Variants in TOGARAM1 observed in about 807,000 individuals in gnomAD.
TOGARAM1 encodes the protein TOG array regulator of axonemal microtubules protein 1.
TOGARAM1 carries 100 observed loss-of-function variants against 166.6 expected under a neutral mutation model. The ratio of observed to expected loss-of-function variants is 0.60; its 90% CI spans 0.51 to 0.71. The LOEUF (loss-of-function observed/expected upper bound fraction) is 0.71. TOGARAM1 is among the 30% of genes least tolerant of loss of function. The pLI, the probability that TOGARAM1 is intolerant of heterozygous loss-of-function variation, is 0.00. For synonymous variants in TOGARAM1, 758 were observed against 763.8 expected (o/e 0.99, Z 0.13); for missense variants, 2,029 against 2,102.7 (o/e 0.96, Z 0.69).
intron 7 of TOGARAM1, among the ~76,000 whole-genome samples, chr14:45,015,023 A>T (rs924984857): frequency 1.2e-4 from 18 of 152,054 alleles, no homozygotes; most frequent in African/African-American, 4.3e-4. Context: ...AGTCTATTTC[A>T]CTGGGCACAG....
chr14:45,060,843 G>T (rs1378212163), intron 16 of TOGARAM1, among the ~76,000 whole-genome samples: 3 of 152,138 alleles, frequency 2.0e-5, no homozygotes, highest in African/African-American at 7.2e-5. Flanking sequence ...ACATGATGTT[G>T]TTATGTCTTA....
At chr14:45,045,565 A>ATG (rs1881965545) in intron 13 of TOGARAM1, among the ~76,000 whole-genome samples, 1 of 41,262 alleles carries the variant, frequency 2.4e-5, no homozygotes, top group Non-Finnish European at 3.9e-5. Context: ...ATATATATAT[A>ATG]TATATATATA....
intron 5 of TOGARAM1, chr14:45,007,732 A>G (rs554542352): frequency 6.6e-6 from 1 of 152,312 alleles, no homozygotes; most frequent in Admixed American, 6.5e-5. Flanking sequence ...GACTTTTGAC[A>G]AAAGCATAAG....
intron 3 of TOGARAM1, among the ~76,000 whole-genome samples, chr14:45,000,631 C>T (rs1158611447): frequency 6.6e-6 from 1 of 152,160 alleles, no homozygotes; most frequent in Non-Finnish European, 1.5e-5. Context: ...GATTCCATAA[C>T]TTGGCTATTG....
intron 16 of TOGARAM1, among the ~76,000 whole-genome samples, chr14:45,065,323 T>C (rs1194878174): frequency 6.6e-6 from 1 of 152,126 alleles, no homozygotes; most frequent in East Asian, 1.9e-4. Flanking sequence ...TTGCTTCCCT[T>C]GCCACACTGC....
At chr14:44,981,537 A>G (rs1886532999) in intron 1 of TOGARAM1, among the ~76,000 whole-genome samples, 1 of 152,210 alleles carries the variant, frequency 6.6e-6, no homozygotes, top group Non-Finnish European at 1.5e-5. Flanking sequence ...TTGTTCTTAT[A>G]CATTACAGCC....
intron 7 of TOGARAM1, among the ~76,000 whole-genome samples, chr14:45,017,177 TAAA>T (rs1407860274): frequency 6.6e-6 from 1 of 152,168 alleles, no homozygotes; most frequent in African/African-American, 2.4e-5. Context: ...AGCATACTGA[TAAA>T]GAAAAATTAG....
chr14:44,990,335 A>G (rs551438851), intron 1 of TOGARAM1, among the ~76,000 whole-genome samples: 5 of 152,338 alleles, frequency 3.3e-5, no homozygotes, highest in African/African-American at 1.2e-4. Context: ...TGCCAAGAAT[A>G]TAGTTGCACA....
intron 1 of TOGARAM1, among the ~76,000 whole-genome samples, chr14:44,969,619 A>G (rs1885772712): frequency 1.3e-5 from 2 of 152,144 alleles, no homozygotes; most frequent in African/African-American, 4.8e-5. Context: ...AAAAGTCATC[A>G]CCATACCCAA....
chr14:44,962,318 C>T lies in TOGARAM1; in HGVS notation c.-104C>T, dbSNP rs973074784. 1.4e-5 allele frequency: 20 copies of T among 1,391,198 alleles called. No homozygotes were observed. The highest frequency in any genetic ancestry group is 2.5e-5 in the Admixed American group (1 of 39,590). The allele number at this position is 1,391,198 out of a possible 1,614,324, so 86.2% of individuals were successfully genotyped here. ...GCAGGCTGAAGCTGTTCTTTTGCCT[C>T]TTCTGCAGCTTGGGGCTTGGAGAGG... On this transcript the variant is annotated 5_prime_UTR_variant, in exon 1 of 20. Transcript: ENST00000361462.
At chr14:45,017,477 A>T (rs1031492660) in intron 7 of TOGARAM1, among the ~76,000 whole-genome samples, 1 of 152,158 alleles carries the variant, frequency 6.6e-6, no homozygotes, top group African/African-American at 2.4e-5. Flanking sequence ...ATGGAAGATC[A>T]TGTGGATTAA....
intron 1 of TOGARAM1, among the ~76,000 whole-genome samples, chr14:44,971,311 T>C (rs1432921680): frequency 6.6e-6 from 1 of 152,164 alleles, no homozygotes; most frequent in Non-Finnish European, 1.5e-5. Context: ...AATTGATCCA[T>C]TTTATCTAGG....
At chr14:45,035,597 A>C (rs2138928166) in intron 11 of TOGARAM1, among the ~76,000 whole-genome samples, 1 of 152,282 alleles carries the variant, frequency 6.6e-6, no homozygotes, top group South Asian at 2.1e-4. Flanking sequence ...GAAACATGAA[A>C]AGAAATATTT....
chr14:45,045,575 ATATATATATGTGTGTGTGTGTGTGTGTG>A (rs1487341624), intron 13 of TOGARAM1, among the ~76,000 whole-genome samples: 3 of 41,494 alleles, frequency 7.2e-5, no homozygotes, highest in African/African-American at 2.6e-4. Flanking sequence ...ATATATATAT[ATATATATATGTGTGTGTGTGTGTGTGTG>A]TGTGTGTGTG....
chr14:45,002,483 C>T (rs1328241373), intron 3 of TOGARAM1, among the ~76,000 whole-genome samples: 1 of 152,086 alleles, frequency 6.6e-6, no homozygotes, highest in Admixed American at 6.6e-5. Flanking sequence ...ACATTAAAAC[C>T]ACTACCATCT....
chr14:45,037,445 AC>A (rs1881491080), intron 11 of TOGARAM1, among the ~76,000 whole-genome samples: 1 of 152,162 alleles, frequency 6.6e-6, no homozygotes, highest in Non-Finnish European at 1.5e-5. Context: ...ATATCGCAAC[AC>A]ATTCATGGAG....
intron 7 of TOGARAM1, among the ~76,000 whole-genome samples, chr14:45,015,070 G>A (rs1880037646): frequency 6.6e-6 from 1 of 152,106 alleles, no homozygotes; most frequent in African/African-American, 2.4e-5. Context: ...TTGGGAGGCT[G>A]AGGCAGGTGA....
chr14:45,017,406 AACACACACACAC>A (rs113544622), intron 7 of TOGARAM1, among the ~76,000 whole-genome samples: 1 of 145,240 alleles, frequency 6.9e-6, no homozygotes, highest in South Asian at 2.3e-4. Flanking sequence ...ATGCACACAA[AACACACACACAC>A]ACACACACAC....
intron 11 of TOGARAM1, among the ~76,000 whole-genome samples, chr14:45,034,162 C>G (rs1277788596): frequency 6.6e-6 from 1 of 151,970 alleles, no homozygotes; most frequent in Non-Finnish European, 1.5e-5. Context: ...ATCTCAAAAA[C>G]AAAGAAACAA....
Sources: gnomAD v4.1 joint callset for allele counts (sites outside exome capture counted in the v4.1 genomes callset) on GRCh38, gnomAD v4.1.1 for gene constraint, MANE v1.5 for transcripts, NCBI Gene and HGNC (gene_info 2026-07-23, HGNC 2026-07-21) for gene names.